TMEM178B: variants seen among roughly 807,000 people sequenced by gnomAD.
TMEM178B encodes transmembrane protein 178B.
A neutral mutation model predicts 31.0 loss-of-function variants in TMEM178B; 5 were observed. The observed-to-expected ratio is 0.16, with a 90% confidence interval of 0.08 to 0.34. TMEM178B has a LOEUF of 0.34. Ranked by LOEUF, TMEM178B falls within the 10% of genes least tolerant of loss-of-function variation. The pLI is 1.00. For synonymous variants in TMEM178B, 164 were observed against 164.0 expected (o/e 1.00, Z 0.00); for missense variants, 275 against 400.3 (o/e 0.69, Z 2.67).
intron 2 of TMEM178B, among the ~76,000 whole-genome samples, chr7:141,365,765 G>T (rs1398503968): frequency 6.6e-6 from 1 of 152,098 alleles, no homozygotes; most frequent in Non-Finnish European, 1.5e-5. Context: ...AGTCATATTG[G>T]ATTAAGGGCC....
At chr7:141,176,803 A>G (rs189929738) in intron 1 of TMEM178B, among the ~76,000 whole-genome samples, 123 of 152,100 alleles carry the variant, frequency 8.1e-4, no homozygotes, top group Non-Finnish European at 6.9e-4. Context: ...CGGTGGTGAT[A>G]TCCTCTTTAT....
chr7:141,402,972 T>A (rs1175372540), intron 2 of TMEM178B, among the ~76,000 whole-genome samples: 2 of 152,254 alleles, frequency 1.3e-5, no homozygotes, highest in Non-Finnish European at 2.9e-5. Flanking sequence ...TCCGTAATCC[T>A]ATGGAAGCAG....
intron 2 of TMEM178B, among the ~76,000 whole-genome samples, chr7:141,255,229 C>CAG (rs993663247): frequency 1.3e-5 from 2 of 152,112 alleles, no homozygotes; most frequent in African/African-American, 4.8e-5. Context: ...AGCTGGGGTA[C>CAG]AGAGGTTGGA....
chr7:141,122,191 T>G (rs1482663115), intron 1 of TMEM178B, among the ~76,000 whole-genome samples: 1 of 151,800 alleles, frequency 6.6e-6, no homozygotes, highest in East Asian at 1.9e-4. Context: ...TTTTGCTGGA[T>G]AAGCAAAGAG....
chr7:141,136,625 A>G (rs987631899), intron 1 of TMEM178B, among the ~76,000 whole-genome samples: 2 of 152,220 alleles, frequency 1.3e-5, no homozygotes. Flanking sequence ...ACAATTAATC[A>G]GCAAGGGATT....
At chr7:141,227,393 G>A (rs1448691849) in intron 2 of TMEM178B, among the ~76,000 whole-genome samples, 4 of 152,306 alleles carry the variant, frequency 2.6e-5, no homozygotes, top group South Asian at 2.1e-4. Flanking sequence ...GCTTGCATTC[G>A]TATGCAATAA....
intron 2 of TMEM178B, among the ~76,000 whole-genome samples, chr7:141,426,839 T>G (rs1162972951): frequency 1.3e-5 from 2 of 152,164 alleles, no homozygotes; most frequent in Non-Finnish European, 2.9e-5. Flanking sequence ...ACTAATAAAC[T>G]AATACTACAT....
At chr7:141,151,474 G>T (rs1036256670) in intron 1 of TMEM178B, among the ~76,000 whole-genome samples, 3 of 152,054 alleles carry the variant, frequency 2.0e-5, no homozygotes, top group Non-Finnish European at 4.4e-5. Flanking sequence ...TTTCCACCAG[G>T]TTGCCTATTT....
chr7:141,327,575 C>T (rs1204131496), intron 2 of TMEM178B, among the ~76,000 whole-genome samples: 1 of 151,948 alleles, frequency 6.6e-6, no homozygotes, highest in East Asian at 1.9e-4. Flanking sequence ...TGTTCAAATC[C>T]CTTTTTGGGG....
chr7:141,287,819 T>C (rs1379535910), intron 2 of TMEM178B, among the ~76,000 whole-genome samples: 2 of 152,246 alleles, frequency 1.3e-5, no homozygotes, highest in Non-Finnish European at 2.9e-5. Flanking sequence ...CACTCTCTTG[T>C]GCTTCACTTA....
intron 2 of TMEM178B, among the ~76,000 whole-genome samples, chr7:141,389,883 G>C (rs924580376): frequency 3.8e-4 from 58 of 152,286 alleles, no homozygotes; most frequent in African/African-American, 1.4e-3. Flanking sequence ...CACCTCGAAG[G>C]TCTGCCTGGG....
intron 2 of TMEM178B, among the ~76,000 whole-genome samples, chr7:141,405,981 G>A (rs908624373): frequency 6.6e-6 from 1 of 152,196 alleles, no homozygotes; most frequent in Non-Finnish European, 1.5e-5. Context: ...GAGGTGTGCT[G>A]CATTATTTAT....
chr7:141,261,082 A>G (rs1041499830), intron 2 of TMEM178B, among the ~76,000 whole-genome samples: 6 of 152,248 alleles, frequency 3.9e-5, no homozygotes, highest in Non-Finnish European at 8.8e-5. Flanking sequence ...TCAATGCAGT[A>G]TATTTCTGTA....
intron 2 of TMEM178B, among the ~76,000 whole-genome samples, chr7:141,313,328 T>C (rs1798946195): frequency 6.6e-6 from 1 of 152,158 alleles, no homozygotes; most frequent in Admixed American, 6.5e-5. Context: ...AACTTCCCCT[T>C]TCCCTGCTCT....
At chr7:141,185,804 A>G (rs764890570) in intron 1 of TMEM178B, among the ~76,000 whole-genome samples, 1 of 152,002 alleles carries the variant, frequency 6.6e-6, no homozygotes. Context: ...TCCTCTACCC[A>G]GCACTTCCCT....
Position 141,171,319 on chromosome 7 carries a change from A to G in TMEM178B, c.383-41272A>G, listed in dbSNP as rs1563106815. Among the ~76,000 whole-genome samples, 1 of 152,152 alleles carries G rather than the reference A, an allele frequency of 6.6e-6. No homozygotes were observed. The highest frequency in any genetic ancestry group is 1.9e-4 in the East Asian group (1 of 5,198). On this transcript the variant is annotated intron_variant, in intron 1 of 3. Transcript: ENST00000565468. This position sits in a 1 kb window ranked among gnomAD's most constrained non-coding sequence, Gnocchi z 4.3. Reference sequence around the variant, plus strand: ...AAACCAAAATTTTAGACTTTTTACTATGTGATAGGCAGTGTTCTAAGTGCT... The same window carrying G: ...AAACCAAAATTTTAGACTTTTTACTGTGTGATAGGCAGTGTTCTAAGTGCT...
intron 3 of TMEM178B, among the ~76,000 whole-genome samples, chr7:141,453,981 G>A (rs984076737): frequency 2.0e-5 from 3 of 150,058 alleles, no homozygotes; most frequent in East Asian, 2.0e-4. Flanking sequence ...TATGATATTT[G>A]ACCCTCCAAT....
intron 2 of TMEM178B, among the ~76,000 whole-genome samples, chr7:141,363,133 T>C (rs1185047879): frequency 6.6e-6 from 1 of 152,090 alleles, no homozygotes; most frequent in African/African-American, 2.4e-5. Flanking sequence ...TAACACCAAA[T>C]AGCTCATTAA....
intron 2 of TMEM178B, among the ~76,000 whole-genome samples, chr7:141,408,299 G>C (rs540658792): frequency 1.3e-5 from 2 of 152,302 alleles, no homozygotes; most frequent in African/African-American, 4.8e-5. Flanking sequence ...GCTTTGGGGT[G>C]GCTGGTTTCT....
Sources: gnomAD v4.1 joint callset for allele counts (sites outside exome capture counted in the v4.1 genomes callset) on GRCh38, gnomAD v4.1.1 for gene constraint, Gnocchi (gnomAD v3.1) non-coding constraint, MANE v1.5 for transcripts, NCBI Gene and HGNC (gene_info 2026-07-23, HGNC 2026-07-21) for gene names.